Variants in KAZN observed in about 807,000 individuals in gnomAD.
KAZN encodes kazrin, periplakin interacting protein, also known as kazrin.
A neutral mutation model predicts 87.4 loss-of-function variants in KAZN; 40 were observed. The ratio of observed to expected loss-of-function variants is 0.46; its 90% confidence interval spans 0.36 to 0.60. The LOEUF is 0.60. Ranked by LOEUF, KAZN falls within the 20% of genes least tolerant of loss-of-function variation. The probability of loss-of-function intolerance (pLI) is 0.00; values close to 1 mark genes in which losing one functional copy is unlikely to be tolerated. For synonymous variants in KAZN, 466 were observed against 458.3 expected (o/e 1.02, Z -0.22); for missense variants, 898 against 1,073.9 (o/e 0.84, Z 2.29).
At position 14,751,514 on chromosome 1, in the gene KAZN, G is replaced by T. The variant is rs569379496; in HGVS notation, c.226+152291G>T. Among the ~76,000 whole-genome samples, 41 of 152,288 alleles carry T rather than the reference G, an allele frequency of 2.7e-4. No homozygotes were observed. In the South Asian group the frequency reaches 7.9e-3, roughly 29 times the overall value. On this transcript the variant is annotated intron_variant, in intron 1 of 14. Transcript: ENST00000376030. ...AACACCCTGACAAGGTAGGCACTAT[G>T]ACTGTCCCTGTTTTATTGCAGAGAA...
At chr1:14,930,637 A>C (rs570158731) in intron 1 of KAZN, among the ~76,000 whole-genome samples, 1 of 152,190 alleles carries the variant, frequency 6.6e-6, no homozygotes, top group African/African-American at 2.4e-5. Context: ...GAGACCACTG[A>C]AGCTTGGGAG....
intron 1 of KAZN, among the ~76,000 whole-genome samples, chr1:13,950,281 C>T (rs986257676): frequency 6.6e-6 from 1 of 152,198 alleles, no homozygotes; most frequent in Non-Finnish European, 1.5e-5. Context: ...CCTGGCCAGG[C>T]CAGTGCCCTT....
At chr1:13,979,514 C>T (rs900475579) in intron 1 of KAZN, among the ~76,000 whole-genome samples, 1 of 151,932 alleles carries the variant, frequency 6.6e-6, no homozygotes, top group African/African-American at 2.4e-5. Context: ...ATATTTAGGT[C>T]AAAAGGAAAG....
At chr1:14,822,785 C>T (rs1026975673) in intron 1 of KAZN, among the ~76,000 whole-genome samples, 4 of 152,146 alleles carry the variant, frequency 2.6e-5, no homozygotes, top group South Asian at 2.1e-4. Context: ...GGCTCTGTGG[C>T]GAGTGCTCCT....
intron 1 of KAZN, among the ~76,000 whole-genome samples, chr1:14,691,204 A>G (rs1286606210): frequency 6.6e-6 from 1 of 152,152 alleles, no homozygotes; most frequent in African/African-American, 2.4e-5. Context: ...GGGAAAAAAA[A>G]ATCTCCTGAC....
At chr1:14,702,326 C>CTGTGTGTGTGTGTGTGTG (rs3222186) in intron 1 of KAZN, among the ~76,000 whole-genome samples, 1,467 of 133,306 alleles carry the variant, frequency 0.011, 19 homozygotes, top group African/African-American at 0.015. Context: ...TTTTGCAAAA[C>CTGTGTGTGTGTGTGTGTG]TGTGTGTGTG....
intron 1 of KAZN, among the ~76,000 whole-genome samples, chr1:14,128,280 A>G (rs10928026): frequency 0.57 from 86,773 of 151,904 alleles, 26,043 homozygotes; most frequent in East Asian, 0.76. Flanking sequence ...AGGCCTCTCC[A>G]TGGGCAGCCA....
intron 1 of KAZN, among the ~76,000 whole-genome samples, chr1:14,015,890 A>T (rs895662938): frequency 2.6e-5 from 4 of 151,900 alleles, no homozygotes; most frequent in African/African-American, 7.2e-5. Flanking sequence ...TGAAAACTCA[A>T]CTTGAGGCTG....
chr1:14,734,102 A>G (rs991441670), intron 1 of KAZN, among the ~76,000 whole-genome samples: 8 of 152,128 alleles, frequency 5.3e-5, no homozygotes, highest in African/African-American at 1.9e-4. Context: ...TCTTGGAAGT[A>G]TCTGAGTTCC....
At chr1:14,659,582 A>G (rs1018364593) in intron 1 of KAZN, among the ~76,000 whole-genome samples, 1 of 152,250 alleles carries the variant, frequency 6.6e-6, no homozygotes, top group Non-Finnish European at 1.5e-5. Context: ...ATAAACTTCT[A>G]GAAAGTCAAC....
intron 1 of KAZN, among the ~76,000 whole-genome samples, chr1:14,781,336 A>G: frequency 6.6e-6 from 1 of 152,240 alleles, no homozygotes; most frequent in East Asian, 1.9e-4. Flanking sequence ...AAAAAAACAA[A>G]AAACAAAAAA....
rs575007361 is a variant in KAZN, at chr1:14,715,532, C to T, written c.226+116309C>T. 1.2e-4 allele frequency among the ~76,000 whole-genome samples: 19 copies of T among 152,288 alleles called. No individual in the cohort carries two copies. The South Asian group carries it at 1.5e-3, about 12-fold the overall frequency. On this transcript the variant is annotated intron_variant, in intron 1 of 14. Transcript: ENST00000376030. ...AGAAGGGACTCCTCCAAAACCTCAG[C>T]GCTCCGAAAACAGGCTGCGTGTGTA...
chr1:14,851,760 C>T (rs1019602796), intron 1 of KAZN, among the ~76,000 whole-genome samples: 4 of 152,308 alleles, frequency 2.6e-5, no homozygotes, highest in South Asian at 4.1e-4. Flanking sequence ...GGCAGAACAG[C>T]GCCCAATACA....
chr1:14,004,655 A>C (rs1639957739), intron 1 of KAZN, among the ~76,000 whole-genome samples: 1 of 151,814 alleles, frequency 6.6e-6, no homozygotes, highest in Non-Finnish European at 1.5e-5. Context: ...GCATTCACTC[A>C]GTGAAAGCTC....
At chr1:14,724,061 TACA>T (rs1420183915) in intron 1 of KAZN, among the ~76,000 whole-genome samples, 1 of 152,220 alleles carries the variant, frequency 6.6e-6, no homozygotes, top group African/African-American at 2.4e-5. Context: ...GTTTCATTTT[TACA>T]ACAACAACGT....
intron 1 of KAZN, among the ~76,000 whole-genome samples, chr1:14,037,542 C>A (rs1641613764): frequency 6.6e-6 from 1 of 152,212 alleles, no homozygotes; most frequent in Non-Finnish European, 1.5e-5. Context: ...CTGATGTGCA[C>A]AGCCCAGCTC....
chr1:15,079,908 A>G (rs1639919100), intron 8 of KAZN, among the ~76,000 whole-genome samples: 1 of 152,238 alleles, frequency 6.6e-6, no homozygotes, highest in South Asian at 2.1e-4. Context: ...GTATAGATAT[A>G]TATGTAAAAG....
At chr1:14,125,600 G>A (rs1306198826) in intron 1 of KAZN, among the ~76,000 whole-genome samples, 1 of 152,130 alleles carries the variant, frequency 6.6e-6, no homozygotes, top group Admixed American at 6.5e-5. Flanking sequence ...AGGGTCAAGG[G>A]ACTATGGTTC....
chr1:15,095,611 C>T (rs898503911), intron 10 of KAZN, among the ~76,000 whole-genome samples: 3 of 151,800 alleles, frequency 2.0e-5, no homozygotes, highest in South Asian at 2.1e-4. Context: ...ACCCCCACCC[C>T]GCCCCACCCC....
Sources: allele counts gnomAD v4.1 joint callset (sites outside exome capture counted in the v4.1 genomes callset), GRCh38; gene constraint gnomAD v4.1.1; transcripts MANE v1.5; gene names NCBI Gene and HGNC (gene_info 2026-07-23, HGNC 2026-07-21).